Variants in AGPAT3 observed in about 807,000 individuals in gnomAD.
The protein encoded by AGPAT3 is 1-acylglycerol-3-phosphate O-acyltransferase 3, also known as 1-acyl-sn-glycerol-3-phosphate acyltransferase gamma.
A neutral mutation model predicts 47.3 loss-of-function variants in AGPAT3; 5 were observed. That is an observed-to-expected ratio of 0.11 (90% confidence interval 0.06 to 0.22). The LOEUF (loss-of-function observed/expected upper bound fraction) is 0.22, where lower values mean the gene tolerates loss of function less well. Ranked by LOEUF, AGPAT3 falls within the 10% of genes least tolerant of loss-of-function variation. The pLI is 1.00. For synonymous variants in AGPAT3, 212 were observed against 208.3 expected, an observed-to-expected ratio of 1.02 and a Z score of -0.15; for missense variants, 315 against 493.0, an observed-to-expected ratio of 0.64 and a Z score of 3.42.
At chr21:43,906,574 G>A (rs1235909637) in intron 2 of AGPAT3, among the ~76,000 whole-genome samples, 1 of 152,082 alleles carries the variant, frequency 6.6e-6, no homozygotes, top group African/African-American at 2.4e-5. Context: ...GGGATGGGGC[G>A]TGATGGGACG....
At chr21:43,897,678 G>T (rs189861387) in intron 1 of AGPAT3, among the ~76,000 whole-genome samples, 6,488 of 145,498 alleles carry the variant, frequency 0.045, 250 homozygotes, top group Non-Finnish European at 0.061. Context: ...CGGGCAGAGG[G>T]GCTCCTCCCA....
chr21:43,929,904 G>C (rs2087183666), intron 2 of AGPAT3, among the ~76,000 whole-genome samples: 1 of 152,240 alleles, frequency 6.6e-6, no homozygotes, highest in Admixed American at 6.5e-5. Context: ...GGCGCTCCCA[G>C]CGAGCTCACA....
At chr21:43,916,789 G>A (rs922390556) in intron 2 of AGPAT3, among the ~76,000 whole-genome samples, 1 of 152,124 alleles carries the variant, frequency 6.6e-6, no homozygotes, top group African/African-American at 2.4e-5. Flanking sequence ...ATACATGCAC[G>A]TTCGCACACA....
intron 7 of AGPAT3, 30 bp downstream of exon 7, chr21:43,971,520 G>GC (rs757115296): frequency 1.0e-5 from 16 of 1,601,104 alleles, no homozygotes; most frequent in Non-Finnish European, 1.3e-5. Context: ...CTCTCGCGCC[G>GC]CCCCCCATAC....
chr21:43,866,471 G>C (rs1288613572), intron 1 of AGPAT3: 1 of 152,154 alleles, frequency 6.6e-6, no homozygotes, highest in South Asian at 2.1e-4. Context: ...GCTCCGACTC[G>C]ACTCGCTTAG....
At chr21:43,946,369 G>A (rs1020987264) in intron 2 of AGPAT3, among the ~76,000 whole-genome samples, 2 of 152,106 alleles carry the variant, frequency 1.3e-5, no homozygotes, top group Non-Finnish European at 2.9e-5. Context: ...GGAAGCCGAG[G>A]TGGGTGGGTC....
chr21:43,968,587 G>A (rs1477212697), intron 4 of AGPAT3, among the ~76,000 whole-genome samples: 2 of 151,978 alleles, frequency 1.3e-5, no homozygotes, highest in African/African-American at 4.8e-5. Flanking sequence ...GTCCCTGGGT[G>A]TTCCTCCTGG....
chr21:43,897,640 GCGC>G (rs1438060618), intron 1 of AGPAT3, among the ~76,000 whole-genome samples: 4 of 149,674 alleles, frequency 2.7e-5, no homozygotes, highest in Non-Finnish European at 6.0e-5. Context: ...CCGGGCAGAG[GCGC>G]TCCTCACATC....
At chr21:43,949,293 A>G (rs760737988) in intron 2 of AGPAT3, among the ~76,000 whole-genome samples, 2 of 152,218 alleles carry the variant, frequency 1.3e-5, no homozygotes, top group Non-Finnish European at 2.9e-5. Flanking sequence ...TGGGTCAGCA[A>G]TTTGGGTTGG....
At chr21:43,912,257 C>T (rs1287490975) in intron 2 of AGPAT3, among the ~76,000 whole-genome samples, 1 of 152,244 alleles carries the variant, frequency 6.6e-6, no homozygotes, top group Non-Finnish European at 1.5e-5. Flanking sequence ...GGCCATGGGG[C>T]AATCCTGGCA....
intron 2 of AGPAT3, among the ~76,000 whole-genome samples, chr21:43,927,942 C>A (rs1175363238): frequency 6.6e-6 from 1 of 152,136 alleles, no homozygotes; most frequent in African/African-American, 2.4e-5. Context: ...CAAGTTAGAA[C>A]GCCTTGCCCC....
intron 2 of AGPAT3, among the ~76,000 whole-genome samples, chr21:43,907,481 G>T (rs1788476197): frequency 6.6e-6 from 1 of 152,170 alleles, no homozygotes; most frequent in Admixed American, 6.5e-5. Flanking sequence ...ACTTTGGGAG[G>T]CCGAGGCAGG....
chr21:43,903,228 T>C (rs1480737151), intron 1 of AGPAT3, among the ~76,000 whole-genome samples: 1 of 152,142 alleles, frequency 6.6e-6, no homozygotes, highest in Non-Finnish European at 1.5e-5. Flanking sequence ...AGATAGAAAG[T>C]GTGATGGTGG....
intron 2 of AGPAT3, among the ~76,000 whole-genome samples, chr21:43,959,146 ATG>A (rs745727388): frequency 3.8e-5 from 2 of 52,960 alleles, no homozygotes; most frequent in East Asian, 5.7e-4. Flanking sequence ...GGTTTGCGGT[ATG>A]TGTGTGGCGT....
intron 1 of AGPAT3, among the ~76,000 whole-genome samples, chr21:43,891,937 C>T (rs913660221): frequency 2.5e-4 from 38 of 152,106 alleles, no homozygotes; most frequent in African/African-American, 9.2e-4. Flanking sequence ...TTGCCCAGAT[C>T]CATCAGAGGA....
Position 43,939,969 on chromosome 21 carries a change from T to A in AGPAT3, c.-48-19665T>A, listed in dbSNP as rs1165566828. ...CTGTGCGCAGGAGGACGAACCTGTG[T>A]GTATGTCCTGCTTCAGCGCGCTCCT... On this transcript the variant is annotated intron_variant, in intron 2 of 9. Transcript: ENST00000291572. This position sits in a 1 kb window ranked among gnomAD's most constrained non-coding sequence, Gnocchi z 4.4. Among the ~76,000 whole-genome samples, 1 of 152,180 alleles carries A rather than the reference T, an allele frequency of 6.6e-6. No homozygotes were observed. The highest frequency in any genetic ancestry group is 2.4e-5 in the African/African-American group (1 of 41,444).
intron 1 of AGPAT3, among the ~76,000 whole-genome samples, chr21:43,894,887 C>A (rs1164367414): frequency 6.6e-6 from 1 of 152,168 alleles, no homozygotes; most frequent in Admixed American, 6.5e-5. Context: ...TCTTTCCTGA[C>A]CTGATTCGCA....
chr21:43,968,416 C>T (rs1238371421), intron 4 of AGPAT3, among the ~76,000 whole-genome samples: 4 of 84,300 alleles, frequency 4.7e-5, no homozygotes, highest in Admixed American at 2.8e-4. Context: ...GGGGAGTAGG[C>T]GGGTGCTGGG....
rs1019698826 is a variant in AGPAT3 at position 43,939,315 on chromosome 21, G to A, written c.-48-20319G>A. On this transcript the variant is annotated intron_variant, in intron 2 of 9. Coordinates refer to ENST00000291572, the MANE Select transcript of AGPAT3 (RefSeq NM_020132.5). This position sits in a 1 kb window ranked among gnomAD's most constrained non-coding sequence, Gnocchi z 4.4. ...GCTCCCTTGATAACACCCCACCCCC[G>A]TCGCTGTTGTTGTCGGGGGCCTCCC... Among the ~76,000 whole-genome samples the A allele has an allele frequency of 6.6e-5, 10 of 152,076 alleles. No individual in the cohort carries two copies. The highest frequency in any genetic ancestry group is 7.4e-5 in the Non-Finnish European group (5 of 68,012).
Sources: gnomAD v4.1 joint callset for allele counts (sites outside exome capture counted in the v4.1 genomes callset) on GRCh38, gnomAD v4.1.1 for gene constraint, Gnocchi (gnomAD v3.1) non-coding constraint, MANE v1.5 for transcripts, NCBI Gene and HGNC (gene_info 2026-07-23, HGNC 2026-07-21) for gene names.